The following EIF4H variants were observed in gnomAD, a reference collection of about 807,000 sequenced individuals.
EIF4H encodes eukaryotic translation initiation factor 4H.
EIF4H carries 8 observed loss-of-function variants against 30.6 expected under a neutral mutation model. The observed-to-expected ratio is 0.26, with a 90% confidence interval of 0.15 to 0.47. EIF4H has a LOEUF of 0.47. Ranked by LOEUF, EIF4H falls within the 20% of genes least tolerant of loss-of-function variation. The pLI is 0.99. For missense variants in EIF4H, 188 were observed against 339.5 expected, an observed-to-expected ratio of 0.55 and a Z score of 3.51; for synonymous variants, 106 against 122.7, an observed-to-expected ratio of 0.86 and a Z score of 0.90.
chr7:74,174,742 C>T (rs1053621316), intron 1 of EIF4H, among the ~76,000 whole-genome samples: 22 of 152,248 alleles, frequency 1.4e-4, no homozygotes, highest in African/African-American at 4.6e-4. Context: ...GAGACGAGCG[C>T]CCGCTTCCAG....
chr7:74,193,920 G>A (rs1181704435), intron 5 of EIF4H, among the ~76,000 whole-genome samples: 1 of 152,176 alleles, frequency 6.6e-6, no homozygotes, highest in Non-Finnish European at 1.5e-5. Context: ...TTTAACATCA[G>A]TAGGTTATAC....
intron 5 of EIF4H, among the ~76,000 whole-genome samples, chr7:74,192,430 A>G (rs1189943199): frequency 6.6e-6 from 1 of 151,974 alleles, no homozygotes; most frequent in Non-Finnish European, 1.5e-5. Context: ...GGTTTGTTAA[A>G]ATTTATTATT....
chr7:74,188,580 A>G (rs2115975229), intron 2 of EIF4H, among the ~76,000 whole-genome samples: 1 of 152,334 alleles, frequency 6.6e-6, no homozygotes, highest in Non-Finnish European at 1.5e-5. Flanking sequence ...TGACTTCAGA[A>G]TCTGAAGCCA....
Position 74,195,079 on chromosome 7 carries a change from C to T in EIF4H, c.608-90C>T, listed in dbSNP as rs1422547972. On this transcript the variant is annotated intron_variant, in intron 6 of 6. Coordinates refer to ENST00000265753, the MANE Select transcript of EIF4H (RefSeq NM_022170.2). Reference sequence around the variant, plus strand: ...GGCCAGGTGAATTTTAGAAAGTGGGCTGGTTTGCTGACAGCAACATCAGCA... The same window carrying T: ...GGCCAGGTGAATTTTAGAAAGTGGGTTGGTTTGCTGACAGCAACATCAGCA... The T allele has an allele frequency of 1.7e-5, 26 of 1,554,804 alleles. No individual in the cohort carries two copies. The African/African-American group carries it at 2.5e-4, about 15-fold the overall frequency.
At chr7:74,175,001 C>T (rs1277520407) in intron 1 of EIF4H, among the ~76,000 whole-genome samples, 1 of 152,162 alleles carries the variant, frequency 6.6e-6, no homozygotes, top group African/African-American at 2.4e-5. Context: ...TGGTACGACT[C>T]CTTGCGGGCG....
At chr7:74,190,146 C>A in intron 4 of EIF4H, 101 bp from the exon 5 acceptor site, 1 of 1,267,826 alleles carries the variant, frequency 7.9e-7, no homozygotes, top group South Asian at 1.3e-5. Context: ...TTCATTGAAC[C>A]TTCCATCACT....
intron 4 of EIF4H, 124 bp downstream of exon 4, chr7:74,190,042 A>G: frequency 7.9e-7 from 1 of 1,260,342 alleles, no homozygotes; most frequent in Non-Finnish European, 1.1e-6. Flanking sequence ...GTGAGCTCTT[A>G]AAAGTTTGCG....
Position 74,174,459 on chromosome 7 carries a change from C to T in EIF4H, c.59+17C>T, listed in dbSNP as rs941091176. On this transcript the variant is annotated intron_variant, in intron 1 of 6. Transcript: ENST00000265753. ...CGGCAGAGGGTGAGGCGGGCGTGCGCGGGCCCCGTCGGGGGCTGCGGGACC... is the reference window on the plus strand; with the variant it reads ...CGGCAGAGGGTGAGGCGGGCGTGCGTGGGCCCCGTCGGGGGCTGCGGGACC... 6.4e-6 allele frequency: 9 copies of T among 1,411,820 alleles called. No homozygotes were observed. The highest frequency in any genetic ancestry group is 2.2e-5 in the Admixed American group (1 of 45,564). 87.5% of individuals were successfully genotyped at this position (1,411,820 alleles called of 1,614,324 possible).
chr7:74,195,031 G>GACT, intron 6 of EIF4H, 138 bp from the exon 7 acceptor site: 1 of 1,513,794 alleles, frequency 6.6e-7, no homozygotes. Context: ...TTGGTCATTA[G>GACT]AGCATCTGCT....
chr7:74,188,149 A>G (rs1338455504), intron 2 of EIF4H, among the ~76,000 whole-genome samples: 15 of 152,182 alleles, frequency 9.9e-5, no homozygotes, highest in Non-Finnish European at 1.2e-4. Flanking sequence ...TGACTCGTAG[A>G]TTTTCCTTGG....
At chr7:74,177,904 A>G (rs1204779704) in intron 1 of EIF4H, among the ~76,000 whole-genome samples, 1 of 152,066 alleles carries the variant, frequency 6.6e-6, no homozygotes, top group African/African-American at 2.4e-5. Flanking sequence ...AAGTTTCTTC[A>G]CCTCTCTGAG....
chr7:74,185,439 C>A (rs1413889219), intron 1 of EIF4H, among the ~76,000 whole-genome samples: 1 of 151,922 alleles, frequency 6.6e-6, no homozygotes, highest in African/African-American at 2.4e-5. Flanking sequence ...TTACTAGGCC[C>A]GAAAAGATGG....
intron 5 of EIF4H, among the ~76,000 whole-genome samples, chr7:74,192,087 C>G (rs1231457871): frequency 2.6e-5 from 4 of 152,104 alleles, no homozygotes; most frequent in Non-Finnish European, 5.9e-5. Context: ...CCCCCACCAA[C>G]AGATTTGATG....
In EIF4H at chr7:74,194,780, G is replaced by A; in HGVS notation, c.509G>A (p.Arg170His). The A allele has an allele frequency of 3.1e-6, 5 of 1,599,934 alleles. No individual in the cohort carries two copies. Among genetic ancestry groups the A allele is most frequent in the Non-Finnish European group, 4.3e-6 (5 of 1,168,390 alleles). ...TTCTTAGGGGGCAGGGGAGGTAGTC[G>A]CCCAGGCGACCGGCGAACAGGCCCC... ...DDFLGGRGGS[R>H]PGDRRTGPPM... Residue 170 changes from arginine (R) to histidine (H), a missense_variant, in exon 6 of 7, where the codon CGC becomes CAC. Coordinates refer to ENST00000265753, the MANE Select transcript of EIF4H (RefSeq NM_022170.2).
Position 74,187,666 on chromosome 7 carries a change from G to C in EIF4H, c.115G>C (p.Glu39Gln). The change falls in exon 2 of 7, where the codon GAG becomes CAG. Residue 39 changes from glutamate to glutamine, a missense_variant. Glu to Gln is a conservative substitution (Grantham distance 29, BLOSUM62 2). Coordinates refer to ENST00000265753, the MANE Select transcript of EIF4H (RefSeq NM_022170.2). ...CCGTAGCCAGAAGGAGTTGCCCACA[G>C]AGCCCCCCTACACAGCATACGTAGG... The part of the protein sequence containing the change: ...GSRSQKELPT[E>Q]PPYTAYVGNL... 6.2e-7 allele frequency: 1 copy of C among 1,612,434 alleles called. No homozygotes were observed.
intron 4 of EIF4H, 43 bp from the exon 5 acceptor site, chr7:74,190,204 G>T (rs1801172533): frequency 6.3e-7 from 1 of 1,590,276 alleles, no homozygotes; most frequent in African/African-American, 1.3e-5. Flanking sequence ...GCGCAGCAAG[G>T]TAATGACACG....
At chr7:74,178,155 A>C (rs983164805) in intron 1 of EIF4H, among the ~76,000 whole-genome samples, 33 of 152,172 alleles carry the variant, frequency 2.2e-4, no homozygotes, top group African/African-American at 6.7e-4. Flanking sequence ...TGCCCAGGCT[A>C]GTCTCAAACC....
At chr7:74,182,964 A>G (rs782620800) in intron 1 of EIF4H, among the ~76,000 whole-genome samples, 10 of 152,102 alleles carry the variant, frequency 6.6e-5, no homozygotes, top group Non-Finnish European at 1.5e-4. Context: ...TCTCATTGCT[A>G]TCTTCCAGAT....
intron 1 of EIF4H, among the ~76,000 whole-genome samples, chr7:74,184,686 TTTTG>T (rs1360996412): frequency 5.6e-4 from 85 of 152,104 alleles, no homozygotes; most frequent in African/African-American, 1.8e-3. Flanking sequence ...TTTTGTGCTT[TTTTG>T]TTTGTTTTTT....
Sources: allele counts gnomAD v4.1 joint callset (sites outside exome capture counted in the v4.1 genomes callset), GRCh38; gene constraint gnomAD v4.1.1; transcripts MANE v1.5; gene names NCBI Gene and HGNC (gene_info 2026-07-23, HGNC 2026-07-21).